Variants in KLF13 observed in about 807,000 individuals in gnomAD.
KLF13 encodes the protein Krueppel-like factor 13.
KLF13 carries 8 observed loss-of-function variants against 16.7 expected under a neutral mutation model. The observed-to-expected ratio is 0.48, with a 90% confidence interval of 0.28 to 0.87. The LOEUF is 0.87. Ranked by LOEUF, KLF13 falls within the 40% of genes least tolerant of loss-of-function variation. KLF13 has a pLI of 0.10. For missense variants in KLF13, 447 were observed against 452.2 expected, an observed-to-expected ratio of 0.99 and a Z score of 0.10; for synonymous variants, 245 against 208.4, an observed-to-expected ratio of 1.18 and a Z score of -1.51.
chr15:31,422,933 G>T (rs1459509928), intron 1 of KLF13, among the ~76,000 whole-genome samples: 3 of 150,808 alleles, frequency 2.0e-5, no homozygotes, highest in African/African-American at 7.3e-5. Flanking sequence ...GCTACTCAGG[G>T]GGCTGAGGCA....
At chr15:31,427,815 C>T (rs1347481217) in intron 1 of KLF13, among the ~76,000 whole-genome samples, 1 of 152,110 alleles carries the variant, frequency 6.6e-6, no homozygotes, top group Non-Finnish European at 1.5e-5. Flanking sequence ...AGGGCCCAGG[C>T]AGGAGCAAGA....
At chr15:31,403,928 C>T (rs2040076694) in exon 3 of KLF13, 1 of 152,252 alleles carries the variant, frequency 6.6e-6, no homozygotes, top group South Asian at 2.1e-4. Context: ...GGCAGTTCGT[C>T]TGTGGGATGG....
At chr15:31,369,204 C>T (rs1241147726) in intron 1 of KLF13, among the ~76,000 whole-genome samples, 2 of 152,130 alleles carry the variant, frequency 1.3e-5, no homozygotes, top group South Asian at 4.1e-4. Context: ...CCAACTTTTC[C>T]CTTAAATCCA....
At chr15:31,359,398 C>T (rs1379846530) in intron 1 of KLF13, among the ~76,000 whole-genome samples, 3 of 152,220 alleles carry the variant, frequency 2.0e-5, no homozygotes, top group Admixed American at 2.0e-4. Flanking sequence ...GTCCTTTTAA[C>T]CTTTCCAGGC....
At chr15:31,367,482 C>T (rs2039492623) in intron 1 of KLF13, among the ~76,000 whole-genome samples, 1 of 152,186 alleles carries the variant, frequency 6.6e-6, no homozygotes, top group South Asian at 2.1e-4. Context: ...GGCTGCCTGG[C>T]ACCAACGTCC....
At chr15:31,427,928 T>C (rs140821489) in intron 1 of KLF13, among the ~76,000 whole-genome samples, 1 of 152,236 alleles carries the variant, frequency 6.6e-6, no homozygotes, top group Non-Finnish European at 1.5e-5. Flanking sequence ...CATGATCCAA[T>C]CACCTCCTAC....
At chr15:31,332,642 T>G (rs1021624555) in intron 1 of KLF13, among the ~76,000 whole-genome samples, 2 of 152,234 alleles carry the variant, frequency 1.3e-5, no homozygotes, top group African/African-American at 4.8e-5. Flanking sequence ...GCCTGATCCT[T>G]CTGAGTAGGT....
downstream of KLF13, among the ~76,000 whole-genome samples, chr15:31,382,566 T>A (rs2039739191): frequency 1.3e-5 from 2 of 152,110 alleles, no homozygotes; most frequent in Admixed American, 1.3e-4. Context: ...GGCTGGTGAC[T>A]TAGCATTTTT....
At chr15:31,397,763 G>T (rs986080526) in intron 2 of KLF13, among the ~76,000 whole-genome samples, 2 of 151,032 alleles carry the variant, frequency 1.3e-5, no homozygotes, top group Admixed American at 1.3e-4. Flanking sequence ...GCAGCTCCTG[G>T]CACATCATAA....
At chr15:31,359,053 G>T (rs2039342659) in intron 1 of KLF13, among the ~76,000 whole-genome samples, 1 of 152,204 alleles carries the variant, frequency 6.6e-6, no homozygotes, top group Non-Finnish European at 1.5e-5. Flanking sequence ...TCTGTTCTTT[G>T]GGTTCAGCTC....
intron 1 of KLF13, chr15:31,339,945 T>C: frequency 4.3e-6 from 3 of 702,350 alleles, no homozygotes; most frequent in Non-Finnish European, 7.8e-6. Context: ...TGCCCACCCA[T>C]GGATTATCTT....
chr15:31,338,971 T>G (rs964314876), intron 1 of KLF13, among the ~76,000 whole-genome samples: 2 of 151,932 alleles, frequency 1.3e-5, no homozygotes, highest in African/African-American at 4.8e-5. Context: ...AGGCACCCCT[T>G]CTTTGTGCTG....
chr15:31,381,248 T>G (rs1415921743), downstream of KLF13, among the ~76,000 whole-genome samples: 1 of 151,880 alleles, frequency 6.6e-6, no homozygotes, highest in African/African-American at 2.4e-5. Flanking sequence ...CAACACAAAT[T>G]TATTCTTTTA....
intron 1 of KLF13, among the ~76,000 whole-genome samples, chr15:31,356,256 C>CT: frequency 6.6e-6 from 1 of 152,278 alleles, no homozygotes; most frequent in South Asian, 2.1e-4. Flanking sequence ...GTAGCTCCCA[C>CT]TTATAAGTGA....
chr15:31,343,536 A>G (rs946743738), intron 1 of KLF13, among the ~76,000 whole-genome samples: 7 of 152,350 alleles, frequency 4.6e-5, no homozygotes, highest in Non-Finnish European at 1.0e-4. Flanking sequence ...GTGGGGACCC[A>G]CAGGTGGCCT....
At chr15:31,371,926 G>A (rs1005411223) in intron 1 of KLF13, 84 bp from the exon 2 acceptor site, 10 of 1,427,766 alleles carry the variant, frequency 7.0e-6, no homozygotes, top group South Asian at 1.3e-5. Context: ...AGACCAGGGT[G>A]TTGGGTGTTG....
chr15:31,380,656 A>G (rs762990097), downstream of KLF13, among the ~76,000 whole-genome samples: 1 of 152,176 alleles, frequency 6.6e-6, no homozygotes, highest in Non-Finnish European at 1.5e-5. Context: ...AATTACCCCC[A>G]ATCAAACCTC....
chr15:31,419,303 C>A (rs1385607919), intron 1 of KLF13, among the ~76,000 whole-genome samples: 1 of 151,900 alleles, frequency 6.6e-6, no homozygotes, highest in Non-Finnish European at 1.5e-5. Flanking sequence ...AATAAATATC[C>A]AGGAACTGAC....
At chr15:31,336,939 G>A (rs140159535) in intron 1 of KLF13, among the ~76,000 whole-genome samples, 47 of 152,314 alleles carry the variant, frequency 3.1e-4, no homozygotes, top group African/African-American at 1.1e-3. Flanking sequence ...ATAAATGGGA[G>A]TTAATGACAT....
Sources: allele counts gnomAD v4.1 joint callset (sites outside exome capture counted in the v4.1 genomes callset), GRCh38; gene constraint gnomAD v4.1.1; transcripts MANE v1.5; gene names NCBI Gene and HGNC (gene_info 2026-07-23, HGNC 2026-07-21).